Variants in OCA2 observed in about 807,000 individuals in gnomAD.
The protein encoded by OCA2 is P protein.
In OCA2, 77 loss-of-function variants were observed where a neutral mutation model predicts 100.2. The ratio of observed to expected loss-of-function variants is 0.77; its 90% CI spans 0.64 to 0.93. The LOEUF (loss-of-function observed/expected upper bound fraction) is 0.93, where lower values mean the gene tolerates loss of function less well. Ranked by LOEUF, OCA2 falls within the 40% of genes least tolerant of loss-of-function variation. The pLI is 0.00. For synonymous variants in OCA2, 432 were observed against 439.2 expected (o/e 0.98, Z 0.21); for missense variants, 1,062 against 1,089.1 (o/e 0.98, Z 0.35).
chr15:27,818,707 A>G (rs2034398915), intron 23 of OCA2, among the ~76,000 whole-genome samples: 1 of 151,996 alleles, frequency 6.6e-6, no homozygotes. Flanking sequence ...GGGAGAAAAC[A>G]CTCTACTGAG....
chr15:27,992,350 C>T (rs1018545408), intron 9 of OCA2, among the ~76,000 whole-genome samples: 2 of 152,196 alleles, frequency 1.3e-5, no homozygotes, highest in Non-Finnish European at 2.9e-5. Flanking sequence ...ATCCACCCAC[C>T]TCGCCTCCCA....
intron 9 of OCA2, 86 bp from the exon 10 acceptor site, chr15:27,990,733 A>G (rs758754289): frequency 7.2e-6 from 8 of 1,108,038 alleles, no homozygotes; most frequent in South Asian, 2.4e-5. Flanking sequence ...GAGGGGGTCT[A>G]TATCTGCCAC....
intron 2 of OCA2, among the ~76,000 whole-genome samples, chr15:28,080,696 G>A (rs930448575): frequency 6.6e-6 from 1 of 152,230 alleles, no homozygotes; most frequent in Non-Finnish European, 1.5e-5. Context: ...TACTGCAGGG[G>A]TCGGAGCTCT....
At chr15:27,893,855 C>A (rs2037570688) in intron 19 of OCA2, among the ~76,000 whole-genome samples, 1 of 152,166 alleles carries the variant, frequency 6.6e-6, no homozygotes. Context: ...CTTTGTTGGA[C>A]CCTTATCAGT....
At chr15:27,786,555 T>C (rs748436041) in intron 23 of OCA2, among the ~76,000 whole-genome samples, 2 of 152,130 alleles carry the variant, frequency 1.3e-5, no homozygotes, top group East Asian at 1.9e-4. Flanking sequence ...TTGAATAGAA[T>C]TGTTTTCTTA....
chr15:27,927,873 C>A (rs1261992268), intron 18 of OCA2, among the ~76,000 whole-genome samples: 2 of 147,572 alleles, frequency 1.4e-5, no homozygotes, highest in African/African-American at 2.5e-5. Context: ...CTCACTGCAA[C>A]CTCCATCTCT....
chr15:27,935,714 G>T (rs569081094), intron 18 of OCA2, among the ~76,000 whole-genome samples: 15 of 152,290 alleles, frequency 9.8e-5, no homozygotes, highest in Admixed American at 5.9e-4. Context: ...TGCTAATTAT[G>T]AACAGATCTG....
intron 18 of OCA2, among the ~76,000 whole-genome samples, chr15:27,928,958 A>G (rs2039146608): frequency 6.6e-6 from 1 of 152,208 alleles, no homozygotes; most frequent in African/African-American, 2.4e-5. Context: ...CAGGGACTAC[A>G]GGGTGGACTC....
chr15:28,032,092 A>G lies in OCA2; in HGVS notation c.299T>C (p.Leu100Ser). Reference protein sequence around the residue: ...KDSCFTENTPLLRNSLQEKGS... With the variant: ...KDSCFTENTPSLRNSLQEKGS... ...TTTCTCCTGTAAGGAATTCCTCAGC[A>G]AAGGAGTGTTTTCTGTAAAGCAGGA... is the stretch of plus-strand genomic sequence containing the variant. Residue 100 changes from leucine to serine, a missense_variant, in exon 3 of 24, where the codon TTG (leucine) becomes TCG (serine). Transcript: ENST00000354638. The G allele has an allele frequency of 6.2e-7, 1 of 1,613,986 alleles. No individual in the cohort carries two copies. The highest frequency in any genetic ancestry group is 2.2e-5 in the East Asian group (1 of 44,878).
At chr15:28,097,807 T>A (rs1253660461) in intron 1 of OCA2, among the ~76,000 whole-genome samples, 1 of 152,198 alleles carries the variant, frequency 6.6e-6, no homozygotes, top group Non-Finnish European at 1.5e-5. Context: ...CACCAGTGCT[T>A]CCCTGCCCCG....
chr15:27,993,478 C>A (rs1339152957), intron 9 of OCA2, among the ~76,000 whole-genome samples: 1 of 152,194 alleles, frequency 6.6e-6, no homozygotes, highest in African/African-American at 2.4e-5. Flanking sequence ...CTACATACCT[C>A]AAGGAGCCCT....
rs184806626 is a variant in OCA2, at chr15:27,958,527, G to A, written c.1637-792C>T. On this transcript the variant is annotated intron_variant, in intron 15 of 23. Coordinates refer to ENST00000354638, the MANE Select transcript of OCA2 (RefSeq NM_000275.3). Reference sequence around the variant, plus strand: ...CCACTGAGCTGTCTCTGACACAGGCGAAAGAGAGAGGTAGATGACTTGATG... The same window carrying A: ...CCACTGAGCTGTCTCTGACACAGGCAAAAGAGAGAGGTAGATGACTTGATG... 6.7e-4 allele frequency among the ~76,000 whole-genome samples: 102 copies of A among 152,298 alleles called. No individual in the cohort carries two copies. The Middle Eastern group carries it at 0.01, about 15-fold the overall frequency.
intron 23 of OCA2, among the ~76,000 whole-genome samples, chr15:27,766,606 C>T (rs1037813377): frequency 6.6e-6 from 1 of 152,176 alleles, no homozygotes; most frequent in South Asian, 2.1e-4. Context: ...GCCTCACACC[C>T]TGTCTGAAAC....
At chr15:27,999,287 C>T (rs557877529) in intron 9 of OCA2, among the ~76,000 whole-genome samples, 1 of 152,030 alleles carries the variant, frequency 6.6e-6, no homozygotes, top group Non-Finnish European at 1.5e-5. Flanking sequence ...GGAATTATTC[C>T]CAAATCCAAG....
At chr15:27,747,098 C>T in the OCA2 span, among the ~76,000 whole-genome samples, 15 of 152,158 alleles carry the variant, frequency 9.9e-5, no homozygotes, top group Admixed American at 9.8e-4. Context: ...GATCACTGCC[C>T]AGGAAACAGG....
At chr15:27,731,262 CAT>C in the OCA2 span, among the ~76,000 whole-genome samples, 1 of 152,150 alleles carries the variant, frequency 6.6e-6, no homozygotes, top group South Asian at 2.1e-4. Context: ...TTATAAAACT[CAT>C]ATACTTTGTC....
intron 9 of OCA2, among the ~76,000 whole-genome samples, chr15:27,996,397 A>C (rs1338382678): frequency 3.3e-5 from 5 of 152,128 alleles, no homozygotes; most frequent in Non-Finnish European, 7.4e-5. Flanking sequence ...AAAAGAAGAA[A>C]GAGCTCAAAT....
chr15:28,063,766 G>T (rs1337752923), intron 2 of OCA2, among the ~76,000 whole-genome samples: 3 of 152,092 alleles, frequency 2.0e-5, no homozygotes, highest in African/African-American at 7.2e-5. Flanking sequence ...CTTTAACAAA[G>T]ATTTATAATT....
At chr15:27,984,050 A>G (rs532050261) in intron 13 of OCA2, among the ~76,000 whole-genome samples, 41 of 151,684 alleles carry the variant, frequency 2.7e-4, no homozygotes, top group African/African-American at 9.9e-4. Flanking sequence ...AATTCACATA[A>G]TCAAACCAGG....
Sources: allele counts gnomAD v4.1 joint callset (sites outside exome capture counted in the v4.1 genomes callset), GRCh38; gene constraint gnomAD v4.1.1; transcripts MANE v1.5; gene names NCBI Gene and HGNC (gene_info 2026-07-23, HGNC 2026-07-21).